Variants in ATP10D observed in about 807,000 individuals in gnomAD.
ATP10D encodes the protein ATPase phospholipid transporting 10D (putative).
In ATP10D, 89 loss-of-function variants were observed where a neutral mutation model predicts 144.8. The observed-to-expected ratio is 0.61, with a 90% confidence interval of 0.52 to 0.73. ATP10D has a LOEUF of 0.73. ATP10D is among the 30% of genes least tolerant of loss of function. ATP10D has a pLI of 0.00. For missense variants in ATP10D, 1,603 were observed against 1,714.8 expected, an observed-to-expected ratio of 0.93 and a Z score of 1.15; for synonymous variants, 571 against 615.1, an observed-to-expected ratio of 0.93 and a Z score of 1.06.
intron 8 of ATP10D, 38 bp from the exon 9 acceptor site, chr4:47,536,648 C>T: frequency 1.9e-6 from 3 of 1,595,826 alleles, no homozygotes; most frequent in Non-Finnish European, 2.6e-6. Context: ...CTTTTTTAAC[C>T]TACGTTAACA....
chr4:47,564,130 G>A (rs572128820), intron 15 of ATP10D, among the ~76,000 whole-genome samples: 12 of 152,248 alleles, frequency 7.9e-5, no homozygotes, highest in African/African-American at 2.9e-4. Context: ...GACCTCAAGT[G>A]ATCCGCCAGC....
chr4:47,530,221 C>T (rs1019402003), intron 5 of ATP10D, among the ~76,000 whole-genome samples: 5 of 152,080 alleles, frequency 3.3e-5, no homozygotes, highest in South Asian at 2.1e-4. Context: ...CTTGTCGAAC[C>T]GGAACAACGG....
chr4:47,589,452 T>C (rs979237726), intron 22 of ATP10D, among the ~76,000 whole-genome samples: 2 of 152,124 alleles, frequency 1.3e-5, no homozygotes, highest in African/African-American at 4.8e-5. Flanking sequence ...TTTTGGCACA[T>C]AATAGAAAAA....
chr4:47,514,195 A>G (rs889300911), intron 2 of ATP10D, among the ~76,000 whole-genome samples: 5 of 152,238 alleles, frequency 3.3e-5, no homozygotes, highest in African/African-American at 1.2e-4. Flanking sequence ...CATTCATTCT[A>G]TATATGTTCC....
chr4:47,505,149 C>T (rs1020025647), intron 1 of ATP10D, among the ~76,000 whole-genome samples: 1 of 152,206 alleles, frequency 6.6e-6, no homozygotes, highest in Non-Finnish European at 1.5e-5. Flanking sequence ...TTAATTCTAG[C>T]CTTAGACATG....
chr4:47,485,335 G>C lies in ATP10D; in HGVS notation c.-222G>C, dbSNP rs1486439767. ...GAAGTAGGTTGCGAGCTCAGCACAG[G>C]CTCCGGCGCTGGCTCCCGCAGCTGA... On this transcript the variant is annotated 5_prime_UTR_variant, in exon 1 of 23. Coordinates refer to ENST00000273859, the MANE Select transcript of ATP10D (RefSeq NM_020453.4). 2 of 152,312 alleles carry C rather than the reference G, an allele frequency of 1.3e-5. No individual in the cohort carries two copies. The highest frequency in any genetic ancestry group is 1.5e-5 in the Non-Finnish European group (1 of 68,134). The allele number at this position is 152,312 out of a possible 1,614,324, so 9.4% of individuals were successfully genotyped here. A position where few individuals can be genotyped will look rare whatever the true frequency, so the allele number is the denominator to read the frequency against.
intron 10 of ATP10D, among the ~76,000 whole-genome samples, chr4:47,551,634 GAT>G (rs1422873775): frequency 1.3e-5 from 2 of 152,234 alleles, no homozygotes; most frequent in Middle Eastern, 3.2e-3. Context: ...AGATCAATAA[GAT>G]ATGGTCCTTA....
At chr4:47,544,433 A>G (rs1291024072) in intron 9 of ATP10D, among the ~76,000 whole-genome samples, 1 of 152,236 alleles carries the variant, frequency 6.6e-6, no homozygotes, top group African/African-American at 2.4e-5. Flanking sequence ...AAAGGCATAG[A>G]TGAAAATGGA....
At chr4:47,520,372 C>A (rs1716881518) in intron 3 of ATP10D, among the ~76,000 whole-genome samples, 1 of 152,084 alleles carries the variant, frequency 6.6e-6, no homozygotes, top group African/African-American at 2.4e-5. Flanking sequence ...CTAGCTTCAA[C>A]CAGCATCTCC....
intron 1 of ATP10D, among the ~76,000 whole-genome samples, chr4:47,494,493 G>C (rs548989370): frequency 2.0e-5 from 2 of 100,990 alleles, no homozygotes; most frequent in African/African-American, 7.0e-5. Flanking sequence ...ATATACTTTG[G>C]ATATAATAAA....
intron 1 of ATP10D, among the ~76,000 whole-genome samples, chr4:47,510,645 T>C (rs966277312): frequency 1.3e-5 from 2 of 152,184 alleles, no homozygotes; most frequent in Non-Finnish European, 2.9e-5. Flanking sequence ...GTGAGGTTAT[T>C]AGTCAGACAC....
At chr4:47,528,487 GTGTGTGTGTGTGTGTGTGTGTGTGTGTA>G (rs1717377909) in intron 5 of ATP10D, among the ~76,000 whole-genome samples, 1 of 126,660 alleles carries the variant, frequency 7.9e-6, no homozygotes, top group Non-Finnish European at 1.7e-5. Context: ...GTGTGTGTGT[GTGTGTGTGTGTGTGTGTGTGTGTGTGTA>G]TATATATATA....
chr4:47,576,096 T>C (rs1720227153), intron 18 of ATP10D, among the ~76,000 whole-genome samples: 1 of 151,426 alleles, frequency 6.6e-6, no homozygotes, highest in East Asian at 1.9e-4. Context: ...TACGCCCGGC[T>C]AATTTTTTGT....
At chr4:47,521,651 G>T (rs1716950868) in intron 3 of ATP10D, among the ~76,000 whole-genome samples, 1 of 152,156 alleles carries the variant, frequency 6.6e-6, no homozygotes, top group South Asian at 2.1e-4. Context: ...CCTATGGAAT[G>T]AAATTCCTAC....
At chr4:47,563,934 C>T (rs1719460986) in intron 15 of ATP10D, among the ~76,000 whole-genome samples, 169 bp downstream of exon 15, 2 of 151,948 alleles carry the variant, frequency 1.3e-5, no homozygotes, top group Admixed American at 6.5e-5. Flanking sequence ...GCTCTGTCAC[C>T]CAGGCTGGAG....
chr4:47,555,334 G>T (rs1475308773), intron 11 of ATP10D, among the ~76,000 whole-genome samples: 2 of 152,198 alleles, frequency 1.3e-5, no homozygotes, highest in Non-Finnish European at 2.9e-5. Flanking sequence ...ATGATCTGAG[G>T]TCCCACCCAA....
At position 47,572,971 on chromosome 4, in the gene ATP10D, A is replaced by T; in HGVS notation, c.3340A>T (p.Ile1114Phe). Reference protein sequence around the residue: ...HWCYTRLSNMILYFFYKNVAY... With the variant: ...HWCYTRLSNMFLYFFYKNVAY... ...GTGTTATACACGGCTTTCCAACATG[A>T]TTCTCTATTTTTTCTATAAGAATGT... The change falls in exon 18 of 23, where the codon ATT (isoleucine) becomes TTT (phenylalanine). Residue 1114 changes from isoleucine (I) to phenylalanine (F), a missense_variant. Coordinates refer to ENST00000273859, the MANE Select transcript of ATP10D (RefSeq NM_020453.4). The T allele has an allele frequency of 1.2e-6, 2 of 1,614,068 alleles. No individual in the cohort carries two copies. Among genetic ancestry groups the T allele is most frequent in the Non-Finnish European group, 1.7e-6 (2 of 1,179,996 alleles).
chr4:47,548,339 C>T (rs139377928), intron 10 of ATP10D, among the ~76,000 whole-genome samples: 2 of 152,124 alleles, frequency 1.3e-5, no homozygotes, highest in Admixed American at 1.3e-4. Flanking sequence ...ATATTTATTT[C>T]TTTAAGAACT....
intron 4 of ATP10D, among the ~76,000 whole-genome samples, chr4:47,524,994 A>G (rs989725908): frequency 3.9e-5 from 6 of 152,172 alleles, no homozygotes; most frequent in Non-Finnish European, 7.4e-5. Context: ...AGGGGAATCC[A>G]TACCTTAAAG....
Sources: allele counts gnomAD v4.1 joint callset (sites outside exome capture counted in the v4.1 genomes callset), GRCh38; gene constraint gnomAD v4.1.1; transcripts MANE v1.5; gene names NCBI Gene and HGNC (gene_info 2026-07-23, HGNC 2026-07-21).